Variants in PNPLA4 observed in about 807,000 individuals in gnomAD.
The protein encoded by PNPLA4 is patatin-like phospholipase domain-containing protein 4.
A neutral mutation model predicts 18.3 loss-of-function variants in PNPLA4; 15 were observed. The ratio of observed to expected loss-of-function variants is 0.82; its 90% CI spans 0.55 to 1.26. The LOEUF is 1.26. Among genes scored for constraint, PNPLA4 ranks in the 50% most tolerant of loss-of-function variants. The pLI, the probability that PNPLA4 is intolerant of heterozygous loss-of-function variation, is 0.00. For synonymous variants in PNPLA4, 88 were observed against 85.6 expected (o/e 1.03, Z -0.16); for missense variants, 229 against 196.8 (o/e 1.16, Z -0.98).
At position 7,902,116 on chromosome X, in the gene PNPLA4, T is replaced by A. The variant is rs776165408; in HGVS notation, c.503A>T (p.Asn168Ile). ...GQKWVDGGLT[N>I]ALPILPVGRT... ...GCCGACGGGCAGGATGGGAAGAGCG[T>A]TGGTGAGGCCTCCGTCCACCCACTT... Residue 168 changes from asparagine (N) to isoleucine (I), a missense_variant, in exon 6 of 7, where the codon AAC becomes ATC. Asn to Ile is a moderately radical substitution (Grantham distance 149). Transcript: ENST00000381042. 1 of 1,206,181 alleles carries A rather than the reference T, an allele frequency of 8.3e-7. No individual in the cohort carries two copies. The highest frequency in any genetic ancestry group is 3.0e-5 in the East Asian group (1 of 33,541).
At chrX:7,915,635 C>T (rs747588974) in intron 4 of PNPLA4, among the ~76,000 whole-genome samples, 6 of 111,757 alleles carry the variant, frequency 5.4e-5, no homozygotes, top group Non-Finnish European at 1.1e-4. Context: ...GTGCGCATTC[C>T]CGACACGTTC....
intron 2 of PNPLA4, among the ~76,000 whole-genome samples, chrX:7,923,381 G>A (rs1303965799): frequency 8.9e-6 from 1 of 112,066 alleles, no homozygotes; most frequent in Non-Finnish European, 1.9e-5. Flanking sequence ...GCACCCTCCA[G>A]AAACTGGAAA....
chrX:7,926,189 T>C, intron 1 of PNPLA4, 57 bp from the exon 2 acceptor site: 1 of 820,623 alleles, frequency 1.2e-6, no homozygotes, highest in Non-Finnish European at 1.7e-6. Flanking sequence ...CCACATACTG[T>C]GTAGTCTTAT....
intron 5 of PNPLA4, 87 bp from the exon 6 acceptor site, chrX:7,902,228 G>T (rs1419489957): frequency 1.1e-6 from 1 of 915,174 alleles, no homozygotes; most frequent in Non-Finnish European, 1.5e-6. Flanking sequence ...GTGTGCCTTG[G>T]ATATGCTTTT....
At chrX:7,905,865 G>T (rs1923691090) in intron 5 of PNPLA4, among the ~76,000 whole-genome samples, 2 of 112,211 alleles carry the variant, frequency 1.8e-5, no homozygotes, top group African/African-American at 6.5e-5. Flanking sequence ...ATTGCCTGCG[G>T]CTGCTTCCCT....
chrX:7,916,204 G>A (rs1924040751), intron 4 of PNPLA4, among the ~76,000 whole-genome samples: 3 of 112,161 alleles, frequency 2.7e-5, no homozygotes, highest in Admixed American at 1.9e-4. Context: ...AGCCTTGGAA[G>A]TTGCATATGA....
At chrX:7,915,396 T>C (rs926530293) in intron 4 of PNPLA4, among the ~76,000 whole-genome samples, 6 of 109,306 alleles carry the variant, frequency 5.5e-5, no homozygotes, top group Non-Finnish European at 9.5e-5. Context: ...GCTGTCACAA[T>C]ACATAACTAT....
At chrX:7,918,349 TG>T (rs1924109767) in intron 4 of PNPLA4, among the ~76,000 whole-genome samples, 1 of 111,238 alleles carries the variant, frequency 9.0e-6, no homozygotes, top group African/African-American at 3.3e-5. Flanking sequence ...AGAGAGAGAA[TG>T]AGAGAGAAGC....
At chrX:7,910,501 A>G (rs1330474197) in intron 5 of PNPLA4, among the ~76,000 whole-genome samples, 1 of 110,029 alleles carries the variant, frequency 9.1e-6, no homozygotes, top group African/African-American at 3.3e-5. Context: ...TATATATAAA[A>G]TAAATGTAAT....
chrX:7,927,254 G>C (rs752492044), intron 1 of PNPLA4, 32 bp downstream of exon 1: 9 of 113,512 alleles, frequency 7.9e-5, no homozygotes, highest in Non-Finnish European at 1.5e-4. Flanking sequence ...TCCCGCAGGA[G>C]CACACCCTTG....
rs1438853415 is a variant in PNPLA4 at position 7,899,672 on chromosome X, A to AGAGAGAGAGAGG, written c.*1013_*1014insCCTCTCTCTCTC. ...GAGAGAGAGAGAGAGAGAGAGAGAG[A>AGAGAGAGAGAGG]GAGAGAGAATGAATGACAACCAGCT... On this transcript the variant is annotated 3_prime_UTR_variant, in exon 7 of 7. Coordinates refer to ENST00000381042, the MANE Select transcript of PNPLA4 (RefSeq NM_004650.3). The AGAGAGAGAGAGG allele has an allele frequency of 3.8e-5, 4 of 104,694 alleles. 1 individual carries two copies. The highest frequency in any genetic ancestry group is 7.9e-5 in the Non-Finnish European group (4 of 50,770). 8.6% of individuals were successfully genotyped at this position (104,694 alleles called of 1,213,427 possible).
intron 5 of PNPLA4, among the ~76,000 whole-genome samples, chrX:7,903,706 A>C (rs1169792247): frequency 7.1e-5 from 8 of 112,289 alleles, no homozygotes; most frequent in African/African-American, 2.6e-4. Context: ...TAAATAAATA[A>C]AAGATAAAAA....
intron 4 of PNPLA4, among the ~76,000 whole-genome samples, chrX:7,913,454 T>C (rs144325319): frequency 3.6e-5 from 4 of 112,262 alleles, no homozygotes; most frequent in Non-Finnish European, 7.5e-5. Context: ...ACAGCTCCTA[T>C]AGCAACAGGC....
rs769249328 is a variant in PNPLA4 at position 7,921,750 on chromosome X, A to G, written c.374T>C (p.Leu125Ser). 4.1e-6 allele frequency: 5 copies of G among 1,209,394 alleles called. No individual in the cohort carries two copies. The Middle Eastern group carries it at 1.2e-3, about 278-fold the overall frequency. ...CTCCCTGGAGGAAAAAGTGGAGACT[A>G]AGTGATTTTCTCTGGTTTTGGCGTT... The part of the protein sequence containing the change: ...ITNAKTRENH[L>S]VSTFSSREDL... The change falls in exon 4 of 7, where the codon TTA becomes TCA. Residue 125 changes from leucine (L) to serine (S), a missense_variant. Leu to Ser is a moderately radical substitution (Grantham distance 145, BLOSUM62 -2). Coordinates refer to ENST00000381042, the MANE Select transcript of PNPLA4 (RefSeq NM_004650.3).
intron 4 of PNPLA4, among the ~76,000 whole-genome samples, chrX:7,918,344 G>A (rs1924109626): frequency 1.8e-5 from 2 of 111,902 alleles, no homozygotes; most frequent in African/African-American, 6.5e-5. Flanking sequence ...AGGCAAGAGA[G>A]AGAATGAGAG....
Position 7,898,299 on chromosome X carries a change from C to T in PNPLA4, c.*2387G>A, listed in dbSNP as rs1174608620. 1 of 111,440 alleles carries T rather than the reference C, an allele frequency of 9.0e-6. No homozygotes were observed. Among genetic ancestry groups the T allele is most frequent in the African/African-American group, 3.3e-5 (1 of 30,626 alleles). The allele number at this position is 111,440 out of a possible 1,213,427, so 9.2% of individuals were successfully genotyped here. A position where few individuals can be genotyped will look rare whatever the true frequency, so the allele number is the denominator to read the frequency against. On this transcript the variant is annotated 3_prime_UTR_variant, in exon 7 of 7. Transcript: ENST00000381042. ...ATTCAAATATATAAGGAAATTGCCCCCACAGGGAATTGGGAATTTATCAAG... is the reference window on the plus strand; with the variant it reads ...ATTCAAATATATAAGGAAATTGCCCTCACAGGGAATTGGGAATTTATCAAG...
At chrX:7,925,824 T>C (rs1249771357) in intron 2 of PNPLA4, 116 bp downstream of exon 2, 29 of 585,748 alleles carry the variant, frequency 5.0e-5, no homozygotes, top group Non-Finnish European at 4.7e-5. Flanking sequence ...ATCCTTTCTG[T>C]TTCCAAGCAA....
rs764962946 is a variant in PNPLA4 at position 7,926,076 on chromosome X, C to T, written c.44G>A (p.Gly15Asp). 6.9e-5 allele frequency: 83 copies of T among 1,209,751 alleles called. No individual in the cohort carries two copies. In the South Asian group the frequency reaches 1.4e-3, roughly 20 times the overall value. Residue 15 changes from glycine (G) to aspartate (D), a missense_variant, in exon 2 of 7, where the codon GGC (glycine) becomes GAC (aspartate). Gly to Asp is a moderately conservative substitution (Grantham distance 94). Coordinates refer to ENST00000381042, the MANE Select transcript of PNPLA4 (RefSeq NM_004650.3). ...AGATGCTGCCCCCAAGTGGTAAATG[C>T]CCAGAAATCCACACGCTGCAAATGA... ...NLSFAACGFLGIYHLGAASAL... is the reference protein window; with the variant it reads ...NLSFAACGFLDIYHLGAASAL...
chrX:7,903,278 A>G (rs371804425), intron 5 of PNPLA4, among the ~76,000 whole-genome samples: 57 of 22,022 alleles, frequency 2.6e-3, no homozygotes, highest in African/African-American at 0.014. Context: ...TCTTGTGTTT[A>G]TTTATTTATT....
Sources: gnomAD v4.1 joint callset for allele counts (sites outside exome capture counted in the v4.1 genomes callset) on GRCh38, gnomAD v4.1.1 for gene constraint, MANE v1.5 for transcripts, NCBI Gene and HGNC (gene_info 2026-07-23, HGNC 2026-07-21) for gene names.